The following TLE1 variants were observed in gnomAD, a reference collection of about 807,000 sequenced individuals.
TLE1 encodes the protein transducin-like enhancer protein 1.
A neutral mutation model predicts 89.8 loss-of-function variants in TLE1; 21 were observed. The ratio of observed to expected loss-of-function variants is 0.23; its 90% CI spans 0.17 to 0.34. The LOEUF is 0.34. TLE1 is among the 10% of genes least tolerant of loss of function. TLE1 has a pLI of 1.00. For missense variants in TLE1, 795 were observed against 1,031.2 expected (o/e 0.77, Z 3.14); for synonymous variants, 447 against 407.6 (o/e 1.10, Z -1.16).
At chr9:81,688,092 C>G in intron 1 of TLE1, 125 bp downstream of exon 1, 21 of 1,291,228 alleles carry the variant, frequency 1.6e-5, no homozygotes, top group Non-Finnish European at 2.3e-5. Flanking sequence ...CCAGACCTCC[C>G]CAGCCTTACA....
At chr9:81,639,613 C>CG (rs1215374317) in intron 6 of TLE1, among the ~76,000 whole-genome samples, 2 of 129,018 alleles carry the variant, frequency 1.6e-5, no homozygotes, top group African/African-American at 5.9e-5. Context: ...GAGACAGTCT[C>CG]GCTCTGTCGC....
chr9:81,673,272 T>TAAA (rs5898756), intron 4 of TLE1, among the ~76,000 whole-genome samples: 7,272 of 97,808 alleles, frequency 0.074, 347 homozygotes, highest in Non-Finnish European at 0.11. Flanking sequence ...AGACTTCATT[T>TAAA]AAAAAAAAAA....
intron 8 of TLE1, 70 bp from the exon 9 acceptor site, chr9:81,620,627 T>C (rs771555750): frequency 1.2e-4 from 187 of 1,557,978 alleles, no homozygotes; most frequent in Non-Finnish European, 1.6e-4. Flanking sequence ...CCAACCTCGA[T>C]GTGAGAACTA....
chr9:81,657,012 T>C (rs545140077), intron 4 of TLE1, among the ~76,000 whole-genome samples: 1 of 152,360 alleles, frequency 6.6e-6, no homozygotes, highest in East Asian at 1.9e-4. Context: ...TATTGAGTTT[T>C]GTTGACCTTC....
intron 14 of TLE1, among the ~76,000 whole-genome samples, chr9:81,599,454 G>T (rs899140489): frequency 1.3e-5 from 2 of 152,128 alleles, no homozygotes; most frequent in Non-Finnish European, 2.9e-5. Context: ...TGTGACTGTG[G>T]GGGCTGGGGG....
intron 6 of TLE1, among the ~76,000 whole-genome samples, chr9:81,639,848 T>C (rs1030610613): frequency 8.5e-5 from 13 of 152,158 alleles, no homozygotes; most frequent in African/African-American, 2.9e-4. Flanking sequence ...CCTCCCAAAG[T>C]GCTGGGATTA....
intron 14 of TLE1, 40 bp downstream of exon 14, chr9:81,610,180 A>G (rs1338550143): frequency 6.4e-7 from 1 of 1,565,766 alleles, no homozygotes; most frequent in African/African-American, 1.4e-5. Context: ...TGACTGAGTA[A>G]CCACCTTTAA....
chr9:81,669,798 T>C (rs540835677), intron 4 of TLE1, among the ~76,000 whole-genome samples: 7 of 152,326 alleles, frequency 4.6e-5, no homozygotes, highest in Admixed American at 1.3e-4. Flanking sequence ...ATTTAAGCCA[T>C]AGAATAAATA....
intron 4 of TLE1, among the ~76,000 whole-genome samples, chr9:81,658,010 A>T (rs559240849): frequency 6.6e-6 from 1 of 150,596 alleles, no homozygotes; most frequent in Non-Finnish European, 1.5e-5. Flanking sequence ...CCCGGGTTCT[A>T]AGGAACTCTC....
At chr9:81,680,756 G>A (rs1833514348) in intron 4 of TLE1, among the ~76,000 whole-genome samples, 1 of 151,434 alleles carries the variant, frequency 6.6e-6, no homozygotes, top group Admixed American at 6.6e-5. Flanking sequence ...TGAAGTTGAG[G>A]ACCACTCCAA....
intron 9 of TLE1, among the ~76,000 whole-genome samples, chr9:81,618,253 C>T (rs956302057): frequency 1.3e-5 from 2 of 152,142 alleles, no homozygotes; most frequent in Non-Finnish European, 2.9e-5. Flanking sequence ...CTTACTGATG[C>T]TGTTGTCAGT....
chr9:81,670,022 A>C (rs929775877), intron 4 of TLE1, among the ~76,000 whole-genome samples: 29 of 152,198 alleles, frequency 1.9e-4, no homozygotes, highest in African/African-American at 7.0e-4. Context: ...TATTGCTTAA[A>C]ATTTAATTTG....
Position 81,583,754 on chromosome 9 carries a change from C to G in TLE1, c.*444G>C, listed in dbSNP as rs1434253169. 6.3e-6 allele frequency: 1 copy of G among 159,560 alleles called. No individual in the cohort carries two copies. The highest frequency in any genetic ancestry group is 1.4e-5 in the Non-Finnish European group (1 of 71,798). The allele number at this position is 159,560 out of a possible 1,614,324, so 9.9% of individuals were successfully genotyped here. A position where few individuals can be genotyped will look rare whatever the true frequency, so the allele number is the denominator to read the frequency against. Reference sequence around the variant, plus strand: ...ATTTATACAAATGTTTAACCTTCAACAAAAATACAAAAAAACATTTCACAA... The same window carrying G: ...ATTTATACAAATGTTTAACCTTCAAGAAAAATACAAAAAAACATTTCACAA... On this transcript the variant is annotated 3_prime_UTR_variant, in exon 20 of 20. Transcript: ENST00000376499.
chr9:81,659,216 T>C (rs1250051536), intron 4 of TLE1, among the ~76,000 whole-genome samples: 2 of 152,160 alleles, frequency 1.3e-5, no homozygotes, highest in Non-Finnish European at 2.9e-5. Flanking sequence ...CCTCTCGTAG[T>C]GACTCCTGCC....
intron 8 of TLE1, among the ~76,000 whole-genome samples, chr9:81,622,552 G>A (rs1184868276): frequency 1.3e-5 from 2 of 152,264 alleles, no homozygotes; most frequent in East Asian, 1.9e-4. Context: ...TAACCTTTCC[G>A]TGGCTGGACC....
intron 4 of TLE1, among the ~76,000 whole-genome samples, chr9:81,660,978 C>CACACACACACAAA (rs140689682): frequency 1.6e-5 from 2 of 121,830 alleles, no homozygotes; most frequent in East Asian, 5.1e-4. Flanking sequence ...CACACACACA[C>CACACACACACAAA]ATTTAGCCTG....
intron 4 of TLE1, among the ~76,000 whole-genome samples, chr9:81,669,573 C>T (rs557356819): frequency 6.6e-6 from 1 of 152,222 alleles, no homozygotes; most frequent in East Asian, 1.9e-4. Flanking sequence ...AATCTCCTCA[C>T]TTGTACATGC....
chr9:81,674,695 G>A (rs931130042), intron 4 of TLE1, among the ~76,000 whole-genome samples: 1 of 152,210 alleles, frequency 6.6e-6, no homozygotes, highest in Non-Finnish European at 1.5e-5. Flanking sequence ...GACTTTGTAA[G>A]GGGAGTCCAG....
At position 81,660,568 on chromosome 9, in the gene TLE1, C is replaced by A. The variant is rs567970189; in HGVS notation, c.235-6532G>T. Among the ~76,000 whole-genome samples the A allele has an allele frequency of 2.8e-3, 430 of 151,250 alleles. 1 individual carries two copies. The highest frequency in any genetic ancestry group is 4.2e-3 in the Non-Finnish European group (285 of 67,760). On this transcript the variant is annotated intron_variant, in intron 4 of 19. Transcript: ENST00000376499. ...AGCTGGGACTACAGGTGCCTGCTAC[C>A]ACACCCGGCTAATTTTTTTTTGTAT...
Sources: allele counts gnomAD v4.1 joint callset (sites outside exome capture counted in the v4.1 genomes callset), GRCh38; gene constraint gnomAD v4.1.1; transcripts MANE v1.5; gene names NCBI Gene and HGNC (gene_info 2026-07-23, HGNC 2026-07-21).